HOXD12: variants seen among roughly 807,000 people sequenced by gnomAD.
The protein encoded by HOXD12 is homeobox D12.
HOXD12 carries 21 observed loss-of-function variants against 20.2 expected under a neutral mutation model. That is an observed-to-expected ratio of 1.04 (90% CI 0.74 to 1.50). HOXD12 has a LOEUF of 1.50. Among genes scored for constraint, HOXD12 ranks in the 40% most tolerant of loss-of-function variants. The pLI is 0.00. For missense variants in HOXD12, 472 were observed against 365.5 expected (o/e 1.29, Z -2.38); for synonymous variants, 196 against 168.8 (o/e 1.16, Z -1.25).
Position 176,100,098 on chromosome 2 carries a change from G to A in HOXD12, c.297G>A (p.Lys99=), listed in dbSNP as rs371388978. 2 of 1,606,738 alleles carry A rather than the reference G, an allele frequency of 1.2e-6. No homozygotes were observed. Among genetic ancestry groups the A allele is most frequent in the African/African-American group, 1.3e-5 (1 of 74,832 alleles). ...AAGACGGACCCGAAGAGCAGGCTAA[G>A]TTCTATGCGCCCGAAGCGGCCGCTG... ...TAKDGPEEQA[K]FYAPEAAAGP... Residue 99 remains lysine (K), a synonymous_variant, in exon 1 of 2, where the codon AAG becomes AAA. Coordinates refer to ENST00000406506, the MANE Select transcript of HOXD12 (RefSeq NM_021193.4).
rs768766133 is a variant in HOXD12, at chr2:176,100,534, G to C, written c.587G>C (p.Gly196Ala). 8.7e-6 allele frequency: 14 copies of C among 1,605,082 alleles called. No individual in the cohort carries two copies. The highest frequency in any genetic ancestry group is 1.2e-5 in the Non-Finnish European group (14 of 1,175,704). The change falls in exon 2 of 2, where the codon GGG (glycine) becomes GCG (alanine). Residue 196 changes from glycine (G) to alanine (A), a missense_variant. By Grantham distance (60) the Gly-to-Ala change is moderately conservative. Coordinates refer to ENST00000406506, the MANE Select transcript of HOXD12 (RefSeq NM_021193.4). ...RPSLPDGLPWGAAPGRARKKR... is the reference protein window; with the variant it reads ...RPSLPDGLPWAAAPGRARKKR... ...GGCTGTGTTGCAGGCCTGCCGTGGG[G>C]GGCGGCCCCGGGGAGGGCCCGCAAG...
At position 176,099,942 on chromosome 2, in the gene HOXD12, C is replaced by T; in HGVS notation, c.141C>T (p.Gly47=). Residue 47 remains glycine, a synonymous_variant, in exon 1 of 2, where the codon GGC becomes GGT. Transcript: ENST00000406506. ...AALPPISYPR[G]ALPWAATPAS... ...TTCCCCCTATCTCCTACCCGCGCGG[C>T]GCGCTGCCCTGGGCCGCCACGCCCG... 1 of 1,591,270 alleles carries T rather than the reference C, an allele frequency of 6.3e-7. No individual in the cohort carries two copies. The highest frequency in any genetic ancestry group is 8.5e-7 in the Non-Finnish European group (1 of 1,171,904).
In HOXD12 at chr2:176,100,619, C is replaced by A; in HGVS notation, c.672C>A (p.Asn224Lys). 1.9e-6 allele frequency: 3 copies of A among 1,613,406 alleles called. No homozygotes were observed. Among genetic ancestry groups the A allele is most frequent in the Non-Finnish European group, 2.5e-6 (3 of 1,179,568 alleles). Residue 224 changes from asparagine (N) to lysine (K), a missense_variant, in exon 2 of 2, where the codon AAC becomes AAA. Physicochemically the swap from Asn to Lys is moderately conservative, Grantham distance 94. Coordinates refer to ENST00000406506, the MANE Select transcript of HOXD12 (RefSeq NM_021193.4). ...AGTTGGAGAACGAATTCCTCGTCAA[C>A]GAATTCATCAACAGGCAGAAACGCA... ...IAELENEFLV[N>K]EFINRQKRKE...
rs1306002994 is a variant in HOXD12, at chr2:176,100,328, T to C, written c.527T>C (p.Val176Ala). 5 of 1,612,582 alleles carry C rather than the reference T, an allele frequency of 3.1e-6. No homozygotes were observed. The highest frequency in any genetic ancestry group is 4.2e-6 in the Non-Finnish European group (5 of 1,179,866). The change falls in exon 1 of 2, where the codon GTG (valine) becomes GCG (alanine). Residue 176 changes from valine (V) to alanine (A), a missense_variant. Val to Ala is a moderately conservative substitution (Grantham distance 64, BLOSUM62 0). Transcript: ENST00000406506. ...GGCCCGCTCAACTTGAACATGACAG[T>C]GCAGGCGGCGGGCGTTGCCTCTTGC... ...TKGPLNLNMT[V>A]QAAGVASCLR...
chr2:176,101,766 G>C lies in HOXD12; in HGVS notation c.*1006G>C, dbSNP rs377502355. The stretch of plus-strand genomic sequence containing the variant: ...TGGCTTTCCAGTTGAGGTGAGTAAA[G>C]GTGTTGGTGCATCTTTCTTTCTTCA... On this transcript the variant is annotated 3_prime_UTR_variant, in exon 2 of 2. Coordinates refer to ENST00000406506, the MANE Select transcript of HOXD12 (RefSeq NM_021193.4). Among the ~76,000 whole-genome samples, 1 of 152,144 alleles carries C rather than the reference G, an allele frequency of 6.6e-6. No individual in the cohort carries two copies. Among genetic ancestry groups the C allele is most frequent in the South Asian group, 2.1e-4 (1 of 4,824 alleles).
rs551338572 is a variant in HOXD12 at position 176,100,260 on chromosome 2, C to G, written c.459C>G (p.Leu153=). 1 of 1,612,516 alleles carries G rather than the reference C, an allele frequency of 6.2e-7. No individual in the cohort carries two copies. Among genetic ancestry groups the G allele is most frequent in the East Asian group, 2.2e-5 (1 of 44,860 alleles). The change falls in exon 1 of 2, where the codon CTC becomes CTG. Residue 153 remains leucine, a synonymous_variant. Coordinates refer to ENST00000406506, the MANE Select transcript of HOXD12 (RefSeq NM_021193.4). ...CCACGCCGGGCTCCACGACCCTGCT[C>G]CAGGGGGCTCCCTGCGCCCCTGGCT... ...GRATPGSTTL[L]QGAPCAPGFK...
chr2:176,099,830 G>A lies in HOXD12; in HGVS notation c.29G>A (p.Gly10Asp). Residue 10 changes from glycine to aspartate, a missense_variant, in exon 1 of 2, where the codon GGC (glycine) becomes GAC (aspartate). By Grantham distance (94) the Gly-to-Asp change is moderately conservative. Transcript: ENST00000406506. ...TGTGAGCGCAGTCTCTACAGAGCGG[G>A]CTATGTGGGCTCGCTTCTGAATCTG... MCERSLYRAGYVGSLLNLQS... is the reference protein window; with the variant it reads MCERSLYRADYVGSLLNLQS... 6.5e-7 allele frequency: 1 copy of A among 1,543,778 alleles called. No individual in the cohort carries two copies. The highest frequency in any genetic ancestry group is 8.7e-7 in the Non-Finnish European group (1 of 1,152,258).
chr2:176,100,242 G>A lies in HOXD12; in HGVS notation c.441G>A (p.Pro147=). The A allele has an allele frequency of 2.5e-6, 4 of 1,612,360 alleles. No individual in the cohort carries two copies. Among genetic ancestry groups the A allele is most frequent in the African/African-American group, 1.3e-5 (1 of 75,052 alleles). ...ACGCTGGTGTGGGTCGTGCCACGCCGGGCTCCACGACCCTGCTCCAGGGGG... is the reference window on the plus strand; with the variant it reads ...ACGCTGGTGTGGGTCGTGCCACGCCAGGCTCCACGACCCTGCTCCAGGGGG... ...YDYAGVGRAT[P]GSTTLLQGAP... Residue 147 remains proline (P), a synonymous_variant, in exon 1 of 2, where the codon CCG becomes CCA. Transcript: ENST00000406506.
chr2:176,102,446 A>G lies in HOXD12; in HGVS notation c.*1686A>G, dbSNP rs1347699969. Among the ~76,000 whole-genome samples the G allele has an allele frequency of 6.6e-6, 1 of 152,244 alleles. No individual in the cohort carries two copies. The highest frequency in any genetic ancestry group is 1.5e-5 in the Non-Finnish European group (1 of 68,042). ...AGCTTGTATATATCAGACACAATAT[A>G]TACAAATGTTTTGAGTGAAAATAAA... On this transcript the variant is annotated 3_prime_UTR_variant, in exon 2 of 2. Transcript: ENST00000406506.
In HOXD12 at chr2:176,102,132, C is replaced by T. The variant is rs76160676; in HGVS notation, c.*1372C>T. On this transcript the variant is annotated 3_prime_UTR_variant, in exon 2 of 2. Coordinates refer to ENST00000406506, the MANE Select transcript of HOXD12 (RefSeq NM_021193.4). ...TCTCAGTGAACCAAGCCTCCCCCTG[C>T]GAGCTCATTCCACTATCCCTGCCTC... is the stretch of plus-strand genomic sequence containing the variant. Among the ~76,000 whole-genome samples the T allele has an allele frequency of 1.1e-4, 17 of 149,752 alleles. No homozygotes were observed. Among genetic ancestry groups the T allele is most frequent in the African/African-American group, 3.5e-4 (14 of 39,756 alleles).
chr2:176,099,909 G>A lies in HOXD12; in HGVS notation c.108G>A (p.Leu36=), dbSNP rs1574945959. The change falls in exon 1 of 2, where the codon TTG becomes TTA. Residue 36 remains leucine (L), a synonymous_variant. Transcript: ENST00000406506. ...FSNLRPNGGQ[L]AALPPISYPR... is the part of the protein sequence containing the mutation. Reference sequence around the variant, plus strand: ...ACCTGAGGCCGAATGGCGGCCAGTTGGCCGCGCTTCCCCCTATCTCCTACC... The same window carrying A: ...ACCTGAGGCCGAATGGCGGCCAGTTAGCCGCGCTTCCCCCTATCTCCTACC... 1.9e-6 allele frequency: 3 copies of A among 1,594,216 alleles called. No individual in the cohort carries two copies. The highest frequency in any genetic ancestry group is 2.6e-6 in the Non-Finnish European group (3 of 1,173,022).
chr2:176,100,294 G>T lies in HOXD12; in HGVS notation c.493G>T (p.Asp165Tyr), dbSNP rs758504160. The change falls in exon 1 of 2, where the codon GAC (aspartate) becomes TAC (tyrosine). Residue 165 changes from aspartate (D) to tyrosine (Y), a missense_variant. Physicochemically the swap from Asp to Tyr is radical, Grantham distance 160 (BLOSUM62 -3). Transcript: ENST00000406506. ...TCCCTGCGCCCCTGGCTTCAAGGAC[G>T]ACACCAAGGGCCCGCTCAACTTGAA... ...GAPCAPGFKD[D>Y]TKGPLNLNMT... 1 of 1,612,634 alleles carries T rather than the reference G, an allele frequency of 6.2e-7. No individual in the cohort carries two copies.
Position 176,099,935 on chromosome 2 carries a change from C to A in HOXD12, c.134C>A (p.Pro45Gln), listed in dbSNP as rs532659358. Residue 45 changes from proline to glutamine, a missense_variant, in exon 1 of 2, where the codon CCG becomes CAG. Pro to Gln is a moderately conservative substitution (Grantham distance 76, BLOSUM62 -1). Transcript: ENST00000406506. ...GCCGCGCTTCCCCCTATCTCCTACC[C>A]GCGCGGCGCGCTGCCCTGGGCCGCC... is the stretch of plus-strand genomic sequence containing the variant. ...QLAALPPISY[P>Q]RGALPWAATP... The A allele has an allele frequency of 6.3e-7, 1 of 1,593,108 alleles. No individual in the cohort carries two copies. Among genetic ancestry groups the A allele is most frequent in the South Asian group, 1.1e-5 (1 of 88,642 alleles).
At position 176,099,936 on chromosome 2, in the gene HOXD12, G is replaced by A. The variant is rs768830297; in HGVS notation, c.135G>A (p.Pro45=). 5.7e-6 allele frequency: 9 copies of A among 1,592,322 alleles called. No individual in the cohort carries two copies. In the East Asian group the frequency reaches 1.6e-4, roughly 29 times the overall value. ...QLAALPPISY[P]RGALPWAATP... ...CCGCGCTTCCCCCTATCTCCTACCCGCGCGGCGCGCTGCCCTGGGCCGCCA... is the reference window on the plus strand; with the variant it reads ...CCGCGCTTCCCCCTATCTCCTACCCACGCGGCGCGCTGCCCTGGGCCGCCA... The change falls in exon 1 of 2, where the codon CCG becomes CCA. Residue 45 remains proline (P), a synonymous_variant. Transcript: ENST00000406506.
At position 176,100,314 on chromosome 2, in the gene HOXD12, C is replaced by A. The variant is rs200595232; in HGVS notation, c.513C>A (p.Asn171Lys). The A allele has an allele frequency of 3.3e-5, 54 of 1,612,718 alleles. No individual in the cohort carries two copies. In the Admixed American group the frequency reaches 8.7e-4, roughly 26 times the overall value. ...GFKDDTKGPL[N>K]LNMTVQAAGV... ...AGGACGACACCAAGGGCCCGCTCAA[C>A]TTGAACATGACAGTGCAGGCGGCGG... The change falls in exon 1 of 2, where the codon AAC becomes AAA. Residue 171 changes from asparagine (N) to lysine (K), a missense_variant. Physicochemically the swap from Asn to Lys is moderately conservative, Grantham distance 94. Transcript: ENST00000406506.
At position 176,101,768 on chromosome 2, in the gene HOXD12, T is replaced by A. The variant is rs1689498231; in HGVS notation, c.*1008T>A. On this transcript the variant is annotated 3_prime_UTR_variant, in exon 2 of 2. Coordinates refer to ENST00000406506, the MANE Select transcript of HOXD12 (RefSeq NM_021193.4). The stretch of plus-strand genomic sequence containing the variant: ...GCTTTCCAGTTGAGGTGAGTAAAGG[T>A]GTTGGTGCATCTTTCTTTCTTCAAT... Among the ~76,000 whole-genome samples the A allele has an allele frequency of 6.6e-6, 1 of 152,012 alleles. No individual in the cohort carries two copies. The highest frequency in any genetic ancestry group is 2.4e-5 in the African/African-American group (1 of 41,384).
chr2:176,101,041 G>A lies in HOXD12; in HGVS notation c.*281G>A. On this transcript the variant is annotated 3_prime_UTR_variant, in exon 2 of 2. Transcript: ENST00000406506. The stretch of plus-strand genomic sequence containing the variant: ...GCCAACTCTCCTTGCTCCTGGCTGG[G>A]GCATTTGCACCCACCGCTCATTCTT... 3.8e-6 allele frequency: 2 copies of A among 528,520 alleles called. No individual in the cohort carries two copies. Among genetic ancestry groups the A allele is most frequent in the East Asian group, 3.3e-5 (1 of 30,604 alleles). 32.7% of individuals were successfully genotyped at this position (528,520 alleles called of 1,614,324 possible). A position where few individuals can be genotyped will look rare whatever the true frequency, so the allele number is the denominator to read the frequency against.
chr2:176,100,922 T>G lies in HOXD12; in HGVS notation c.*162T>G. On this transcript the variant is annotated 3_prime_UTR_variant, in exon 2 of 2. Transcript: ENST00000406506. The stretch of plus-strand genomic sequence containing the variant: ...ACAGACCAGGCCAGTTGGGCCTCCT[T>G]GCTTTCCTCAGTCCCTGAGAAGCCC... The G allele has an allele frequency of 1.6e-6, 1 of 616,090 alleles. No homozygotes were observed. The allele number at this position is 616,090 out of a possible 1,614,324, so 38.2% of individuals were successfully genotyped here. A position where few individuals can be genotyped will look rare whatever the true frequency, so the allele number is the denominator to read the frequency against.
rs1000891192 is a variant in HOXD12 at position 176,100,766 on chromosome 2, C to G, written c.*6C>G. 1.2e-6 allele frequency: 2 copies of G among 1,603,224 alleles called. No individual in the cohort carries two copies. The highest frequency in any genetic ancestry group is 1.1e-5 in the South Asian group (1 of 90,462). On this transcript the variant is annotated 3_prime_UTR_variant, in exon 2 of 2. Coordinates refer to ENST00000406506, the MANE Select transcript of HOXD12 (RefSeq NM_021193.4). ...AGGCGCTGGCGCTCTACTAGCCGCGCGCGTGGCCAGGGCCGGGTTGGATCT... is the reference window on the plus strand; with the variant it reads ...AGGCGCTGGCGCTCTACTAGCCGCGGGCGTGGCCAGGGCCGGGTTGGATCT...
Sources: gnomAD v4.1 joint callset for allele counts (sites outside exome capture counted in the v4.1 genomes callset) on GRCh38, gnomAD v4.1.1 for gene constraint, MANE v1.5 for transcripts, NCBI Gene and HGNC (gene_info 2026-07-23, HGNC 2026-07-21) for gene names.